The following TRPM3 variants were observed in gnomAD, a reference collection of about 807,000 sequenced individuals.
The protein encoded by TRPM3 is transient receptor potential cation channel subfamily M member 3, also known as long transient receptor potential channel 3.
In TRPM3, 77 loss-of-function variants were observed where a neutral mutation model predicts 181.2. The ratio of observed to expected loss-of-function variants is 0.42; its 90% CI spans 0.35 to 0.51. The LOEUF (loss-of-function observed/expected upper bound fraction) is 0.51, where lower values mean the gene tolerates loss of function less well. Ranked by LOEUF, TRPM3 falls within the 20% of genes least tolerant of loss-of-function variation. TRPM3 has a pLI of 0.01. For missense variants in TRPM3, 1,759 were observed against 2,196.7 expected (o/e 0.80, Z 3.98); for synonymous variants, 745 against 796.4 (o/e 0.94, Z 1.09).
chr9:70,959,160 A>T (rs1024002341), intron 1 of TRPM3, among the ~76,000 whole-genome samples: 1 of 151,740 alleles, frequency 6.6e-6, no homozygotes, highest in Non-Finnish European at 1.5e-5. Context: ...TAATAATAAT[A>T]AAAAAAAGAA....
chr9:70,575,625 T>C (rs1479196265), intron 22 of TRPM3, among the ~76,000 whole-genome samples: 1 of 152,174 alleles, frequency 6.6e-6, no homozygotes, highest in Non-Finnish European at 1.5e-5. Context: ...TCATATTCAT[T>C]TGGAAAAAAA....
chr9:71,207,974 T>G (rs1173816297), intron 1 of TRPM3, among the ~76,000 whole-genome samples: 1 of 152,144 alleles, frequency 6.6e-6, no homozygotes, highest in Non-Finnish European at 1.5e-5. Context: ...GTTCTACAGT[T>G]AACCCCTAGA....
chr9:71,226,072 T>G (rs1362892555), intron 1 of TRPM3, among the ~76,000 whole-genome samples: 13 of 148,258 alleles, frequency 8.8e-5, no homozygotes, highest in South Asian at 4.3e-4. Flanking sequence ...GAGTTTTTAG[T>G]TTTTTTTTGT....
chr9:70,603,804 C>T (rs577523232), intron 19 of TRPM3, among the ~76,000 whole-genome samples: 7 of 152,240 alleles, frequency 4.6e-5, no homozygotes, highest in Non-Finnish European at 7.4e-5. Flanking sequence ...CTGTCAGTGG[C>T]GGCTCTTGCT....
Position 70,529,251 on chromosome 9 carries a change from T to A in TRPM3, c.*6702A>T, listed in dbSNP as rs973881975. 1 of 152,184 alleles carries A rather than the reference T, an allele frequency of 6.6e-6. No homozygotes were observed. Among genetic ancestry groups the A allele is most frequent in the Non-Finnish European group, 1.5e-5 (1 of 68,034 alleles). The allele number at this position is 152,184 out of a possible 1,614,324, so 9.4% of individuals were successfully genotyped here. A position where few individuals can be genotyped will look rare whatever the true frequency, so the allele number is the denominator to read the frequency against. On this transcript the variant is annotated 3_prime_UTR_variant, in exon 26 of 26. Coordinates refer to ENST00000677713, the MANE Select transcript of TRPM3 (RefSeq NM_001366145.2). ...AATTCTTCTAAGGATTTATATATAT[T>A]TATAGTGTCGATAGATATGCATACC...
chr9:70,536,234 C>T lies in TRPM3; in HGVS notation c.4879G>A (p.Glu1627Lys). 6.2e-7 allele frequency: 1 copy of T among 1,614,226 alleles called. No homozygotes were observed. Among genetic ancestry groups the T allele is most frequent in the Non-Finnish European group, 8.5e-7 (1 of 1,180,042 alleles). The change falls in exon 26 of 26, where the codon GAG (glutamate) becomes AAG (lysine). Residue 1627 changes from glutamate (E) to lysine (K), a missense_variant. This residue lies in a region of TRPM3 where 612 missense variants were observed against 590.0 expected (regional missense o/e 1.04). Coordinates refer to ENST00000677713, the MANE Select transcript of TRPM3 (RefSeq NM_001366145.2). Reference sequence around the variant, plus strand: ...AGGGTTCTCTCTGAGTTATCACCCTCCTGGGAGGATATTGCAATGGTGGCT... The same window carrying T: ...AGGGTTCTCTCTGAGTTATCACCCTTCTGGGAGGATATTGCAATGGTGGCT... ...RRATIAISSQ[E>K]GDNSERTLSN...
chr9:70,784,331 C>T (rs2083113992), intron 6 of TRPM3, 52 bp from the exon 7 acceptor site: 4 of 1,502,996 alleles, frequency 2.7e-6, no homozygotes, highest in African/African-American at 1.4e-5. Context: ...AACACAAAGC[C>T]AGCAAACCAA....
intron 1 of TRPM3, among the ~76,000 whole-genome samples, chr9:71,225,425 A>C (rs575646887): frequency 6.6e-6 from 1 of 152,148 alleles, no homozygotes; most frequent in Admixed American, 6.5e-5. Flanking sequence ...TTTTCCAGAC[A>C]AACAAAAGCT....
At chr9:70,857,366 A>G (rs1370803330) in intron 3 of TRPM3, among the ~76,000 whole-genome samples, 1 of 152,108 alleles carries the variant, frequency 6.6e-6, no homozygotes, top group Non-Finnish European at 1.5e-5. Flanking sequence ...AAGCCTGGGA[A>G]CGGAGGACTG....
At chr9:71,122,369 C>T (rs183140566), upstream of TRPM3, among the ~76,000 whole-genome samples, 23 of 152,290 alleles carry the variant, frequency 1.5e-4, no homozygotes, top group African/African-American at 4.3e-4. Context: ...GATAATTTCA[C>T]ATAGTAAGTT....
chr9:71,229,349 C>T (rs958758655), intron 1 of TRPM3, among the ~76,000 whole-genome samples: 1 of 152,084 alleles, frequency 6.6e-6, no homozygotes, highest in Admixed American at 6.5e-5. Context: ...TCAAAGACCT[C>T]AAACTACGAA....
At chr9:70,969,755 T>A (rs1024614796) in intron 1 of TRPM3, among the ~76,000 whole-genome samples, 4 of 84,296 alleles carry the variant, frequency 4.7e-5, no homozygotes, top group African/African-American at 2.0e-4. Flanking sequence ...ACTGAATGAT[T>A]TTATATATAT....
chr9:71,103,919 C>CTTT (rs201494267), intron 1 of TRPM3, among the ~76,000 whole-genome samples: 16 of 145,268 alleles, frequency 1.1e-4, no homozygotes, highest in African/African-American at 2.3e-4. Context: ...TGCAGCAATC[C>CTTT]TTTTTTTTTT....
At chr9:71,128,663 G>A (rs1050228365) in intron 1 of TRPM3, among the ~76,000 whole-genome samples, 2 of 152,126 alleles carry the variant, frequency 1.3e-5, no homozygotes, top group Non-Finnish European at 2.9e-5. Context: ...TTTTCATTAT[G>A]AAAGCCATAA....
At chr9:70,869,486 A>C (rs901950910) in intron 1 of TRPM3, among the ~76,000 whole-genome samples, 1 of 151,998 alleles carries the variant, frequency 6.6e-6, no homozygotes, top group African/African-American at 2.4e-5. Context: ...GTTGGAGCAC[A>C]CAAGCGGCAT....
intron 9 of TRPM3, among the ~76,000 whole-genome samples, chr9:70,661,501 C>T (rs536681793): frequency 2.8e-4 from 42 of 152,034 alleles, no homozygotes; most frequent in Non-Finnish European, 2.1e-4. Flanking sequence ...GTCAAACCAT[C>T]GCTGTTCACA....
intron 8 of TRPM3, chr9:70,760,979 T>C (rs766114520): frequency 5.0e-5 from 8 of 159,484 alleles, no homozygotes; most frequent in Non-Finnish European, 9.6e-5. Flanking sequence ...CATAAAGATC[T>C]TGCTCCCTGC....
rs2131459740 is a variant in TRPM3, at chr9:71,411,980, G to A, written c.183+34673C>T. Among the ~76,000 whole-genome samples the A allele has an allele frequency of 2.6e-5, 4 of 152,110 alleles. No homozygotes were observed. In the East Asian group the frequency reaches 5.8e-4, roughly 22 times the overall value. On this transcript the variant is annotated intron_variant, in intron 1 of 24. Coordinates refer to the TRPM3 transcript ENST00000357533. ...CCATCTGATCTTTGACAAATCTGAT[G>A]AAAACAAGAAATGGGGAAAGGATTA...
Position 70,537,369 on chromosome 9 carries a change from G to A in TRPM3, c.3744C>T (p.Asn1248=), listed in dbSNP as rs960843813. Residue 1248 remains asparagine, a synonymous_variant, in exon 26 of 26, where the codon AAC becomes AAT. Transcript: ENST00000677713. ...ENMSMRLEEV[N]EREHSMKASL... ...AAGCCTTCATGGAGTGCTCTCTCTC[G>A]TTGACTTCCTCCAGCCGCATAGACA... 10 of 1,490,862 alleles carry A rather than the reference G, an allele frequency of 6.7e-6. No homozygotes were observed. Among genetic ancestry groups the A allele is most frequent in the South Asian group, 2.8e-5 (2 of 70,858 alleles). 92.4% of individuals were successfully genotyped at this position (1,490,862 alleles called of 1,614,324 possible).
Sources: allele counts gnomAD v4.1 joint callset (sites outside exome capture counted in the v4.1 genomes callset), GRCh38; gene constraint gnomAD v4.1.1; regional missense constraint gnomAD v4.1.1; transcripts MANE v1.5; gene names NCBI Gene and HGNC (gene_info 2026-07-23, HGNC 2026-07-21).